EPB41L4A: variants seen among roughly 807,000 people sequenced by gnomAD.
The protein encoded by EPB41L4A is band 4.1-like protein 4A.
In EPB41L4A, 100 loss-of-function variants were observed where a neutral mutation model predicts 108.6. The ratio of observed to expected loss-of-function variants is 0.92; its 90% CI spans 0.78 to 1.09. The LOEUF (loss-of-function observed/expected upper bound fraction) is 1.09. Ranked by LOEUF, EPB41L4A falls within the 50% of genes least tolerant of loss-of-function variation. The pLI, the probability that EPB41L4A is intolerant of heterozygous loss-of-function variation, is 0.00. For synonymous variants in EPB41L4A, 319 were observed against 289.0 expected (o/e 1.10, Z -1.05); for missense variants, 1,030 against 842.7 (o/e 1.22, Z -2.75).
chr5:112,291,828 C>T (rs1309954290), intron 2 of EPB41L4A, among the ~76,000 whole-genome samples: 2 of 152,234 alleles, frequency 1.3e-5, no homozygotes, highest in Non-Finnish European at 2.9e-5. Flanking sequence ...CATACCTCAC[C>T]TTACACATCT....
intron 3 of EPB41L4A, among the ~76,000 whole-genome samples, chr5:112,278,707 A>C (rs545777188): frequency 6.6e-6 from 1 of 152,176 alleles, no homozygotes; most frequent in South Asian, 2.1e-4. Flanking sequence ...ACATTTTTTC[A>C]TCACCTTGAT....
intron 1 of EPB41L4A, among the ~76,000 whole-genome samples, chr5:112,374,321 G>GT (rs1759674710): frequency 6.6e-6 from 1 of 152,160 alleles, no homozygotes; most frequent in South Asian, 2.1e-4. Context: ...ATGAACAGAA[G>GT]TTTAGAATTC....
chr5:112,244,690 C>T (rs562714264), intron 9 of EPB41L4A, among the ~76,000 whole-genome samples: 1 of 152,330 alleles, frequency 6.6e-6, no homozygotes, highest in South Asian at 2.1e-4. Context: ...TCTGCGCCAT[C>T]TTGTCTGCTC....
At chr5:112,229,461 C>A (rs1032195921) in intron 12 of EPB41L4A, among the ~76,000 whole-genome samples, 1 of 152,056 alleles carries the variant, frequency 6.6e-6, no homozygotes, top group Non-Finnish European at 1.5e-5. Flanking sequence ...TTCTTGGTTA[C>A]ATGAGTAAGT....
At chr5:112,327,204 GAAC>G (rs1387031527) in intron 1 of EPB41L4A, among the ~76,000 whole-genome samples, 1 of 151,998 alleles carries the variant, frequency 6.6e-6, no homozygotes, top group African/African-American at 2.4e-5. Context: ...TCAAAATAAT[GAAC>G]AACATTTCTC....
intron 1 of EPB41L4A, among the ~76,000 whole-genome samples, chr5:112,344,620 T>G (rs990500611): frequency 2.0e-5 from 3 of 152,194 alleles, no homozygotes; most frequent in African/African-American, 7.2e-5. Context: ...ACAATTTGGG[T>G]GGGTCAGATT....
chr5:112,275,087 C>G lies in EPB41L4A; in HGVS notation c.335+239G>C, dbSNP rs147658409. On this transcript the variant is annotated intron_variant, in intron 4 of 22. Coordinates refer to ENST00000261486, the MANE Select transcript of EPB41L4A (RefSeq NM_022140.5). ...ATAATGATACAGAAATATTTCATCA[C>G]AGCAGATGCAAAATGTATCATCATG... Among the ~76,000 whole-genome samples, 192 of 152,292 alleles carry G rather than the reference C, an allele frequency of 1.3e-3. 1 individual carries two copies. Among genetic ancestry groups the G allele is most frequent in the Non-Finnish European group, 2.3e-3 (154 of 68,030 alleles).
intron 1 of EPB41L4A, among the ~76,000 whole-genome samples, chr5:112,324,155 TTAAC>T (rs762958340): frequency 5.9e-5 from 9 of 152,142 alleles, no homozygotes; most frequent in Non-Finnish European, 1.0e-4. Flanking sequence ...AATTTACAAT[TTAAC>T]TATTGTTTTA....
rs1180945681 is a variant in EPB41L4A at position 112,259,981 on chromosome 5, T to C, written c.643-2A>G. 1 of 1,609,940 alleles carries C rather than the reference T, an allele frequency of 6.2e-7. No individual in the cohort carries two copies. The highest frequency in any genetic ancestry group is 8.5e-7 in the Non-Finnish European group (1 of 1,176,380). On this transcript the variant is annotated splice_acceptor_variant, in intron 7 of 22. Coordinates refer to ENST00000261486, the MANE Select transcript of EPB41L4A (RefSeq NM_022140.5). LOFTEE classifies it high-confidence loss of function. ...GAAATACTCAGACTTGTTTTCTCCC[T>C]GCAAAAACAAACATATGCCTATAAC...
At chr5:112,154,342 C>T (rs147785810) in intron 12 of EPB41L4A, among the ~76,000 whole-genome samples, 4 of 152,146 alleles carry the variant, frequency 2.6e-5, no homozygotes, top group Non-Finnish European at 5.9e-5. Context: ...TTATATAGTT[C>T]CCACTACTTA....
At chr5:112,323,206 AAAGGAGGGAAGAGGG>A (rs1755916930) in intron 1 of EPB41L4A, among the ~76,000 whole-genome samples, 1 of 152,062 alleles carries the variant, frequency 6.6e-6, no homozygotes, top group South Asian at 2.1e-4. Context: ...ACATAACTGG[AAAGGAGGGAAGAGGG>A]AAGGAGGGAC....
Position 112,281,573 on chromosome 5 carries a change from T to G in EPB41L4A, c.205-1250A>C, listed in dbSNP as rs143026550. On this transcript the variant is annotated intron_variant, in intron 2 of 22. Transcript: ENST00000261486. ...CAGGGCCAAGCCACTCAGTTTCCAT[T>G]TCCTCGTGCTCCTTAATGAAGAAGG... Among the ~76,000 whole-genome samples the G allele has an allele frequency of 3.2e-3, 491 of 152,278 alleles. 21 individuals are homozygous for G. Among genetic ancestry groups the G allele is most frequent in the Admixed American group, 0.029 (447 of 15,302 alleles).
chr5:112,309,138 T>G (rs2150583506), intron 1 of EPB41L4A, among the ~76,000 whole-genome samples: 2 of 152,264 alleles, frequency 1.3e-5, no homozygotes, highest in South Asian at 4.1e-4. Context: ...CCAACTTTGC[T>G]TCCAAATGGA....
rs575952129 is a variant in EPB41L4A, at chr5:112,170,103, A to T, written c.1739+198T>A. On this transcript the variant is annotated intron_variant, in intron 20 of 22. Coordinates refer to ENST00000261486, the MANE Select transcript of EPB41L4A (RefSeq NM_022140.5). ...CCTACCAAGTACAAAGAGGTGGCTA[A>T]TAAGAGATGATAGTGATTATAGTGT... is the stretch of plus-strand genomic sequence containing the variant. The T allele has an allele frequency of 3.9e-5, 22 of 562,862 alleles. No individual in the cohort carries two copies. In the South Asian group the frequency reaches 5.3e-4, roughly 14 times the overall value. 34.9% of individuals were successfully genotyped at this position (562,862 alleles called of 1,614,324 possible). A position where few individuals can be genotyped will look rare whatever the true frequency, so the allele number is the denominator to read the frequency against.
At chr5:112,168,706 A>G in intron 22 of EPB41L4A, 33 bp downstream of exon 22, 6 of 1,567,574 alleles carry the variant, frequency 3.8e-6, no homozygotes, top group Non-Finnish European at 4.4e-6. Context: ...TGTCATCAAT[A>G]CAACACCTTC....
intron 2 of EPB41L4A, among the ~76,000 whole-genome samples, chr5:112,298,612 T>C (rs759044339): frequency 6.6e-6 from 1 of 152,226 alleles, no homozygotes; most frequent in Non-Finnish European, 1.5e-5. Flanking sequence ...TATTTTTGCA[T>C]CTATGTTCAT....
At chr5:112,194,414 G>C (rs950877468) in intron 17 of EPB41L4A, among the ~76,000 whole-genome samples, 154 bp downstream of exon 17, 1 of 152,134 alleles carries the variant, frequency 6.6e-6, no homozygotes, top group Non-Finnish European at 1.5e-5. Flanking sequence ...CACTCAAAGA[G>C]CTAAAGTTTC....
chr5:112,365,972 C>T (rs923007571), intron 1 of EPB41L4A, among the ~76,000 whole-genome samples: 1 of 151,966 alleles, frequency 6.6e-6, no homozygotes, highest in South Asian at 2.1e-4. Flanking sequence ...TATTCAACAA[C>T]GAAAAAAGCC....
intron 9 of EPB41L4A, among the ~76,000 whole-genome samples, chr5:112,243,854 T>A (rs2150390684): frequency 6.6e-6 from 1 of 152,340 alleles, no homozygotes; most frequent in African/African-American, 2.4e-5. Flanking sequence ...AAGGAAATGC[T>A]GCAGCTTGTT....
Sources: gnomAD v4.1 joint callset for allele counts (sites outside exome capture counted in the v4.1 genomes callset) on GRCh38, gnomAD v4.1.1 for gene constraint, MANE v1.5 for transcripts, NCBI Gene and HGNC (gene_info 2026-07-23, HGNC 2026-07-21) for gene names.